Variants in MGAM observed in about 807,000 individuals in gnomAD.
MGAM encodes maltase-glucoamylase.
A neutral mutation model predicts 358.8 loss-of-function variants in MGAM; 253 were observed. The observed-to-expected ratio is 0.71, with a 90% confidence interval of 0.64 to 0.78. The LOEUF is 0.78. Among genes scored for constraint, MGAM ranks in the 30% least tolerant of loss-of-function variants. The pLI is 0.00. For missense variants in MGAM, 3,080 were observed against 3,432.6 expected (o/e 0.90, Z 2.57); for synonymous variants, 1,105 against 1,227.1 (o/e 0.90, Z 2.08).
intron 18 of MGAM, 112 bp from the exon 19 acceptor site, chr7:142,038,419 T>G: frequency 1.3e-6 from 1 of 766,190 alleles, no homozygotes; most frequent in Admixed American, 2.5e-5. Flanking sequence ...ATTTGGGGGG[T>G]TTGCCTGGGC....
At chr7:142,090,805 TG>T (rs1815311270) in intron 57 of MGAM, among the ~76,000 whole-genome samples, 1 of 146,720 alleles carries the variant, frequency 6.8e-6, no homozygotes, top group South Asian at 2.2e-4. Context: ...AACATTTATT[TG>T]CTGCTTCGAA....
intron 2 of MGAM, 77 bp downstream of exon 2, chr7:142,005,734 G>A (rs2128982760): frequency 1.4e-6 from 2 of 1,435,302 alleles, no homozygotes; most frequent in African/African-American, 1.4e-5. Flanking sequence ...GGAAAGTAAT[G>A]CTTTCATGCT....
intron 44 of MGAM, among the ~76,000 whole-genome samples, chr7:142,072,699 C>T (rs1038161461): frequency 6.8e-6 from 1 of 146,200 alleles, no homozygotes; most frequent in African/African-American, 2.4e-5. Context: ...ATGTGGGTCT[C>T]CTTCCTCCAG....
chr7:142,064,614 C>A, intron 37 of MGAM, 92 bp downstream of exon 37: 1 of 1,466,782 alleles, frequency 6.8e-7, no homozygotes, highest in Admixed American at 2.2e-5. Context: ...CATTCCATTT[C>A]TAAGGATTAA....
intron 70 of MGAM, among the ~76,000 whole-genome samples, chr7:142,103,843 C>T (rs530168375): frequency 6.6e-6 from 1 of 151,434 alleles, no homozygotes; most frequent in Admixed American, 6.6e-5. Flanking sequence ...TGATAGAATG[C>T]TTCCTTATCA....
intron 70 of MGAM, among the ~76,000 whole-genome samples, chr7:142,104,068 G>A (rs1026813641): frequency 1.1e-4 from 16 of 152,052 alleles, no homozygotes; most frequent in African/African-American, 3.9e-4. Flanking sequence ...TAGCCAGGAT[G>A]GTCTCGATCT....
At chr7:142,040,605 G>T in intron 20 of MGAM, 117 bp from the exon 21 acceptor site, 1 of 1,319,760 alleles carries the variant, frequency 7.6e-7, no homozygotes, top group East Asian at 2.6e-5. Context: ...TGCCTGGCTA[G>T]ACCATAATTC....
intron 26 of MGAM, among the ~76,000 whole-genome samples, chr7:142,053,476 A>G (rs1050959944): frequency 3.9e-5 from 6 of 152,136 alleles, no homozygotes; most frequent in African/African-American, 1.4e-4. Flanking sequence ...TTTGTGCTTG[A>G]TCAATGTAAG....
rs368219291 is a variant in MGAM at position 142,100,772 on chromosome 7, A to G, written c.7875-30A>G. 22 of 1,586,698 alleles carry G rather than the reference A, an allele frequency of 1.4e-5. No homozygotes were observed. The East Asian group carries it at 5.0e-4, about 36-fold the overall frequency. ...GGTTTGTGGCTGTGGCTTTACTTTTAGCTAATGCCTCTCTGCCTGCTCACT... is the reference window on the plus strand; with the variant it reads ...GGTTTGTGGCTGTGGCTTTACTTTTGGCTAATGCCTCTCTGCCTGCTCACT... On this transcript the variant is annotated intron_variant, in intron 67 of 70. Coordinates refer to ENST00000475668, the MANE Select transcript of MGAM (RefSeq NM_001365693.1).
chr7:142,022,287 C>T lies in MGAM; in HGVS notation c.730C>T (p.Pro244Ser). 1.9e-6 allele frequency: 3 copies of T among 1,610,918 alleles called. No individual in the cohort carries two copies. Among genetic ancestry groups the T allele is most frequent in the Non-Finnish European group, 2.5e-6 (3 of 1,178,164 alleles). Residue 244 changes from proline to serine, a missense_variant, in exon 7 of 71, where the codon CCC becomes TCC. Transcript: ENST00000475668. ...GTCTAGGTTTGACTCGAGCATTGGG[C>T]CCCTACTGTTTGCTGACCAGTTCTT... Reference protein sequence around the residue: ...NRVLFDSSIGPLLFADQFLQL... With the variant: ...NRVLFDSSIGSLLFADQFLQL...
At position 142,072,578 on chromosome 7, in the gene MGAM, C is replaced by A. The variant is rs1321177203; in HGVS notation, c.5186+1460C>A. Among the ~76,000 whole-genome samples, 8 of 146,214 alleles carry A rather than the reference C, an allele frequency of 5.5e-5. 2 individuals carry two copies. The highest frequency in any genetic ancestry group is 7.3e-5 in the African/African-American group (3 of 41,118). ...ATTGTAGTATCTGAAGTGTTTAGGACCATCTAAATCTATTGTTAGTTCTTT... is the reference window on the plus strand; with the variant it reads ...ATTGTAGTATCTGAAGTGTTTAGGAACATCTAAATCTATTGTTAGTTCTTT... On this transcript the variant is annotated intron_variant, in intron 44 of 70. Coordinates refer to ENST00000475668, the MANE Select transcript of MGAM (RefSeq NM_001365693.1).
At chr7:142,042,483 T>A (rs1434951977) in intron 21 of MGAM, among the ~76,000 whole-genome samples, 1 of 7,322 alleles carries the variant, frequency 1.4e-4, no homozygotes, top group Non-Finnish European at 2.0e-4. Flanking sequence ...ATAATATATA[T>A]TATATACATA....
At position 142,005,652 on chromosome 7, in the gene MGAM, C is replaced by A; in HGVS notation, c.122C>A (p.Ser41Ter). The stretch of plus-strand genomic sequence containing the variant: ...CTTTTAGCCAAAGAGTCACTGAAAT[C>A]AACAGGTAAGAAGTAACTCTGGGGC... ...IVLLAKESLK[S>*]TAPDPGTTGT... Residue 41 changes from serine (S) to a stop codon, truncating the protein, a stop_gained, in exon 2 of 71, where the codon TCA becomes TAA. Coordinates refer to ENST00000475668, the MANE Select transcript of MGAM (RefSeq NM_001365693.1). LOFTEE classifies it high-confidence loss of function. The A allele has an allele frequency of 6.2e-7, 1 of 1,601,128 alleles. No homozygotes were observed. Among genetic ancestry groups the A allele is most frequent in the African/African-American group, 1.3e-5 (1 of 74,636 alleles).
At chr7:142,037,561 C>T (rs1554466494) in intron 18 of MGAM, among the ~76,000 whole-genome samples, 1 of 152,144 alleles carries the variant, frequency 6.6e-6, no homozygotes, top group Non-Finnish European at 1.5e-5. Flanking sequence ...ATGAGGCCCT[C>T]AGGCACGTAT....
intron 3 of MGAM, among the ~76,000 whole-genome samples, chr7:142,010,098 C>A (rs1805488066): frequency 6.6e-6 from 1 of 152,100 alleles, no homozygotes; most frequent in Non-Finnish European, 1.5e-5. Context: ...TTGTTTGATT[C>A]TCCCAGTTAT....
At chr7:142,084,178 A>C (rs1358624014) in intron 53 of MGAM, among the ~76,000 whole-genome samples, 1 of 146,062 alleles carries the variant, frequency 6.8e-6, no homozygotes, top group African/African-American at 2.4e-5. Flanking sequence ...AAGCACTAAG[A>C]GATTACTTAA....
At chr7:142,080,138 G>A (rs111933755) in intron 49 of MGAM, among the ~76,000 whole-genome samples, 1,987 of 146,720 alleles carry the variant, frequency 0.014, 172 homozygotes, top group South Asian at 0.086. Flanking sequence ...TCTCCTGGGA[G>A]ACCATCTCAG....
intron 24 of MGAM, 42 bp from the exon 25 acceptor site, chr7:142,052,252 C>A (rs1260565531): frequency 1.3e-6 from 2 of 1,525,652 alleles, no homozygotes; most frequent in Middle Eastern, 1.7e-4. Flanking sequence ...CAAAGCCTGT[C>A]TCCTAAAGAT....
At chr7:142,060,494 G>C (rs2961072) in intron 34 of MGAM, 121 bp downstream of exon 34, 524,379 of 1,115,394 alleles carry the variant, frequency 0.47, 83,917 homozygotes, top group Admixed American at 0.59. Context: ...ACACTTAGGT[G>C]ATGTGTCTTG....
Sources: allele counts gnomAD v4.1 joint callset (sites outside exome capture counted in the v4.1 genomes callset), GRCh38; gene constraint gnomAD v4.1.1; transcripts MANE v1.5; gene names NCBI Gene and HGNC (gene_info 2026-07-23, HGNC 2026-07-21).